Variants in NLRP13 observed in about 807,000 individuals in gnomAD.
NLRP13 encodes NACHT, LRR and PYD domains-containing protein 13.
In NLRP13, 82 loss-of-function variants were observed where a neutral mutation model predicts 94.4. The observed-to-expected ratio is 0.87, with a 90% CI of 0.73 to 1.04. NLRP13 has a LOEUF of 1.04. NLRP13 is among the 50% of genes least tolerant of loss of function. The probability of loss-of-function intolerance (pLI) is 0.00; values close to 1 mark genes in which losing one functional copy is unlikely to be tolerated. For synonymous variants in NLRP13, 553 were observed against 464.7 expected (o/e 1.19, Z -2.45); for missense variants, 1,426 against 1,230.8 (o/e 1.16, Z -2.37).
chr19:55,908,053 G>T, intron 6 of NLRP13, 97 bp from the exon 7 acceptor site: 1 of 1,096,252 alleles, frequency 9.1e-7, no homozygotes, highest in Non-Finnish European at 1.3e-6. Flanking sequence ...TACACTCACT[G>T]CCAAGGTTAT....
chr19:55,891,841 G>T (rs538145978), downstream of NLRP13: 3 of 377,626 alleles, frequency 7.9e-6, no homozygotes, highest in South Asian at 1.5e-4. Context: ...AGACCTGGGC[G>T]TGCAATGGGC....
chr19:55,896,627 G>A (rs1265767054), intron 10 of NLRP13, among the ~76,000 whole-genome samples: 3 of 151,106 alleles, frequency 2.0e-5, no homozygotes, highest in Non-Finnish European at 4.4e-5. Flanking sequence ...CACCAGCCTC[G>A]ACAAGATGGT....
rs55976723 is a variant in NLRP13 at position 55,930,901 on chromosome 19, A to ATTTTTTTTT, written c.319+1091_319+1092insAAAAAAAAA. 2.2e-3 allele frequency among the ~76,000 whole-genome samples: 212 copies of ATTTTTTTTT among 98,298 alleles called. 5 individuals carry two copies. The highest frequency in any genetic ancestry group is 4.9e-3 in the Middle Eastern group (1 of 204). The allele number at this position is 98,298 out of a possible 152,430, so 64.5% of individuals were successfully genotyped here. ...ATATATATATATATATATATATAAA[A>ATTTTTTTTT]TTTTAACCAGAAGCTTAAACAGCAT... On this transcript the variant is annotated intron_variant, in intron 1 of 10. Coordinates refer to ENST00000342929, the MANE Select transcript of NLRP13 (RefSeq NM_176810.2).
chr19:55,897,557 G>A (rs1045379372), intron 10 of NLRP13, among the ~76,000 whole-genome samples: 1 of 152,056 alleles, frequency 6.6e-6, no homozygotes, highest in African/African-American at 2.4e-5. Context: ...AAGTCAGAAT[G>A]AGTCTCTCTA....
intron 4 of NLRP13, among the ~76,000 whole-genome samples, chr19:55,922,272 C>T (rs545195682): frequency 1.1e-4 from 17 of 151,748 alleles, no homozygotes; most frequent in East Asian, 3.9e-4. Flanking sequence ...ACAGCCAAAC[C>T]GTATCATTTG....
At chr19:55,896,512 C>T (rs1422606289) in intron 10 of NLRP13, among the ~76,000 whole-genome samples, 3 of 102,776 alleles carry the variant, frequency 2.9e-5, no homozygotes, top group African/African-American at 1.2e-4. Flanking sequence ...CAGCAAGATT[C>T]TGTCTCAAAA....
intron 10 of NLRP13, among the ~76,000 whole-genome samples, chr19:55,896,833 A>T (rs1208326871): frequency 1.4e-5 from 2 of 147,634 alleles, no homozygotes; most frequent in African/African-American, 5.3e-5. Flanking sequence ...AAAAAAAAAA[A>T]AAAAAAAAAA....
intron 1 of NLRP13, among the ~76,000 whole-genome samples, chr19:55,931,722 A>AGAAAGACAG (rs1468023647): frequency 9.3e-6 from 1 of 107,326 alleles, no homozygotes; most frequent in African/African-American, 3.6e-5. Context: ...AAAAAAAAAA[A>AGAAAGACAG]AAAGAAAGAA....
chr19:55,913,870 T>G (rs1250361697), intron 4 of NLRP13, among the ~76,000 whole-genome samples: 1 of 152,046 alleles, frequency 6.6e-6, no homozygotes, highest in Non-Finnish European at 1.5e-5. Context: ...CAAAGACACC[T>G]TCTAGCCAGT....
At chr19:55,892,054 TCAGA>T (rs1985865297), downstream of NLRP13, 1 of 1,217,448 alleles carries the variant, frequency 8.2e-7, no homozygotes, top group African/African-American at 1.6e-5. Context: ...CACTTGAGTT[TCAGA>T]CAGAGCTCCT....
rs138022962 is a variant in NLRP13, at chr19:55,911,887, C to A, written c.1930G>T (p.Glu644Ter). The A allele has an allele frequency of 6.2e-7, 1 of 1,614,146 alleles. No individual in the cohort carries two copies. Among genetic ancestry groups the A allele is most frequent in the Non-Finnish European group, 8.5e-7 (1 of 1,180,002 alleles). ...HILRLFHCLH[E>*]SQEEDFTKKM... ...TTTGTGAAGTCTTCCTCCTGGGACT[C>A]GTGTAGGCAGTGAAAAAGTCGTAGA... The change falls in exon 5 of 11, where the codon GAG becomes TAG. Residue 644 changes from glutamate (E) to a stop codon, truncating the protein, a stop_gained. Transcript: ENST00000342929. LOFTEE classifies it high-confidence loss of function.
At chr19:55,918,230 A>G (rs769962440) in intron 4 of NLRP13, among the ~76,000 whole-genome samples, 10 of 148,278 alleles carry the variant, frequency 6.7e-5, no homozygotes, top group Non-Finnish European at 1.0e-4. Context: ...GAGACACAAC[A>G]TATCAAAACC....
At position 55,911,603 on chromosome 19, in the gene NLRP13, C is replaced by T. The variant is rs115913187; in HGVS notation, c.2111+103G>A. The T allele has an allele frequency of 5.0e-4, 567 of 1,125,962 alleles. 8 individuals are homozygous for T. The African/African-American group carries it at 7.2e-3, about 14-fold the overall frequency. The allele number at this position is 1,125,962 out of a possible 1,614,324, so 69.7% of individuals were successfully genotyped here. The stretch of plus-strand genomic sequence containing the variant: ...CAGACCATTTGGTCGGAAATAAGCA[C>T]GAATACATAACGACAACACATCCCT... On this transcript the variant is annotated intron_variant, in intron 5 of 10. Coordinates refer to ENST00000342929, the MANE Select transcript of NLRP13 (RefSeq NM_176810.2).
rs928068579 is a variant in NLRP13 at position 55,895,982 on chromosome 19, A to G, written c.3095T>C (p.Leu1032Ser). 3.7e-6 allele frequency: 6 copies of G among 1,613,882 alleles called. No homozygotes were observed. Among genetic ancestry groups the G allele is most frequent in the Non-Finnish European group, 4.2e-6 (5 of 1,179,960 alleles). The change falls in exon 11 of 11, where the codon TTG becomes TCG. Residue 1032 changes from leucine to serine, a missense_variant. Leu to Ser is a moderately radical substitution (Grantham distance 145). Transcript: ENST00000342929. The stretch of plus-strand genomic sequence containing the variant: ...CTGCAGCCTGCATGTCGACTTTTTC[A>G]AAGCCTTACATAGCATCTTGACACC... ...TDGVKMLCKALKKSTCRLQKL... is the reference protein window; with the variant it reads ...TDGVKMLCKASKKSTCRLQKL...
In NLRP13 at chr19:55,898,819, TCACTC is replaced by T. The variant is rs1986086213; in HGVS notation, c.2903_2907del (p.Gly968GlufsTer5). On this transcript the variant is annotated frameshift_variant, in exon 10 of 11. Transcript: ENST00000342929. LOFTEE classifies it low-confidence loss of function (END_TRUNC). The stretch of plus-strand genomic sequence containing the variant: ...GGTTTCAGAGCCTCACACAGTAGCT[TCACTC>T]CATCATCCTGAAGATCATTTTCTCC... 1 of 1,613,754 alleles carries T rather than the reference TCACTC, an allele frequency of 6.2e-7. No individual in the cohort carries two copies. Among genetic ancestry groups the T allele is most frequent in the African/African-American group, 1.3e-5 (1 of 74,912 alleles).
chr19:55,905,794 C>T (rs986605482), intron 7 of NLRP13, among the ~76,000 whole-genome samples: 1 of 152,094 alleles, frequency 6.6e-6, no homozygotes, highest in Admixed American at 6.5e-5. Flanking sequence ...CTAGGTGTTA[C>T]CCACTAGTAG....
intron 7 of NLRP13, among the ~76,000 whole-genome samples, chr19:55,906,219 T>G (rs1164360892): frequency 6.6e-6 from 1 of 151,420 alleles, no homozygotes; most frequent in Non-Finnish European, 1.5e-5. Flanking sequence ...GTGACTGTAA[T>G]TCCAGCTATT....
rs1256570601 is a variant in NLRP13 at position 55,904,930 on chromosome 19, G to A, written c.2618+12C>T. The A allele has an allele frequency of 5.0e-6, 8 of 1,607,478 alleles. No homozygotes were observed. The highest frequency in any genetic ancestry group is 6.8e-6 in the Non-Finnish European group (8 of 1,174,824). On this transcript the variant is annotated intron_variant, in intron 8 of 10. Coordinates refer to ENST00000342929, the MANE Select transcript of NLRP13 (RefSeq NM_176810.2). ...AGAGTCATATCTAGAAATGGAAGTA[G>A]GGAAAACTTACTCCAGTCTCTCTAA...
chr19:55,902,287 T>G, intron 8 of NLRP13, 82 bp from the exon 9 acceptor site: 1 of 1,104,576 alleles, frequency 9.1e-7, no homozygotes, highest in Non-Finnish European at 1.2e-6. Flanking sequence ...CAGGGCCCCC[T>G]CCGAGCCTAC....
Sources: allele counts gnomAD v4.1 joint callset (sites outside exome capture counted in the v4.1 genomes callset), GRCh38; gene constraint gnomAD v4.1.1; transcripts MANE v1.5; gene names NCBI Gene and HGNC (gene_info 2026-07-23, HGNC 2026-07-21).